Variants in KIF7 observed in about 807,000 individuals in gnomAD.
The protein encoded by KIF7 is kinesin-like protein KIF7.
A neutral mutation model predicts 135.7 loss-of-function variants in KIF7; 104 were observed. That is an observed-to-expected ratio of 0.77 (90% confidence interval 0.65 to 0.90). The LOEUF is 0.90. KIF7 is among the 40% of genes least tolerant of loss of function. The pLI, the probability that KIF7 is intolerant of heterozygous loss-of-function variation, is 0.00. For synonymous variants in KIF7, 883 were observed against 809.4 expected, an observed-to-expected ratio of 1.09 and a Z score of -1.54; for missense variants, 2,005 against 1,839.1, an observed-to-expected ratio of 1.09 and a Z score of -1.65.
At chr15:89,627,069 T>C (rs765284888), downstream of KIF7, 7 of 1,614,004 alleles carry the variant, frequency 4.3e-6, no homozygotes, top group African/African-American at 8.0e-5. Flanking sequence ...CATGGGAACC[T>C]GGCTGGAGGA....
rs774403667 is a variant in KIF7, at chr15:89,633,269, G to C, written c.2593-3C>G. On this transcript the variant is annotated splice_polypyrimidine_tract_variant and splice_region_variant and intron_variant, in intron 12 of 18. Transcript: ENST00000394412. Reference sequence around the variant, plus strand: ...TGCTCATGCTTCAGCTCCAGCTCCTGGGTGAGGAGCTCAGTGGGCAGGGCT... The same window carrying C: ...TGCTCATGCTTCAGCTCCAGCTCCTCGGTGAGGAGCTCAGTGGGCAGGGCT... 7.7e-6 allele frequency: 12 copies of C among 1,562,688 alleles called. No homozygotes were observed. Among genetic ancestry groups the C allele is most frequent in the Non-Finnish European group, 1.0e-5 (12 of 1,157,364 alleles).
chr15:89,624,748 AGTAAC>A, downstream of KIF7: 1 of 1,614,222 alleles, frequency 6.2e-7, no homozygotes, highest in Non-Finnish European at 8.5e-7. Context: ...TGACTTGAAA[AGTAAC>A]GTCTTATCAG....
upstream of KIF7, among the ~76,000 whole-genome samples, chr15:89,655,860 C>T (rs62021461): frequency 6.5e-3 from 997 of 152,238 alleles, 6 homozygotes; most frequent in Non-Finnish European, 9.4e-3. Flanking sequence ...CACATTTTAG[C>T]ATTCCTAAAA....
chr15:89,648,968 G>A lies in KIF7; in HGVS notation c.923+6C>T. ...CAGGCCACATAGGAGCCAGGGGGCA[G>A]CTCACCGGGTGATCTTGGAGTCGCG... On this transcript the variant is annotated splice_donor_region_variant and intron_variant, in intron 4 of 18. Transcript: ENST00000394412. 6.5e-7 allele frequency: 1 copy of A among 1,531,364 alleles called. No individual in the cohort carries two copies. The highest frequency in any genetic ancestry group is 1.2e-5 in the South Asian group (1 of 82,902). 94.9% of individuals were successfully genotyped at this position (1,531,364 alleles called of 1,614,324 possible).
intron 1 of KIF7, among the ~76,000 whole-genome samples, chr15:89,654,390 C>T (rs1033413334): frequency 3.3e-4 from 50 of 152,038 alleles, no homozygotes; most frequent in Non-Finnish European, 4.9e-4. Flanking sequence ...TCACTTCCCA[C>T]ACCCCAGGCC....
upstream of KIF7, among the ~76,000 whole-genome samples, chr15:89,657,310 CAAAAAAAAA>C (rs369464990): frequency 1.0e-5 from 1 of 98,674 alleles, no homozygotes; most frequent in Admixed American, 1.2e-4. Flanking sequence ...GACCCTGTCT[CAAAAAAAAA>C]AAAAAAAAAA....
In KIF7 at chr15:89,628,308, G is replaced by T. The variant is rs1963577401; in HGVS notation, c.*111C>A. The T allele has an allele frequency of 7.2e-7, 1 of 1,390,466 alleles. No homozygotes were observed. Among genetic ancestry groups the T allele is most frequent in the Non-Finnish European group, 9.8e-7 (1 of 1,024,558 alleles). The allele number at this position is 1,390,466 out of a possible 1,614,324, so 86.1% of individuals were successfully genotyped here. ...GATCCCAGTGAGGGTACAGATGAGG[G>T]CCTGGATTTAGGGTGTGCGGTAAGG... On this transcript the variant is annotated 3_prime_UTR_variant, in exon 19 of 19. Coordinates refer to ENST00000394412, the MANE Select transcript of KIF7 (RefSeq NM_198525.3).
In KIF7 at chr15:89,642,194, G is replaced by A. The variant is rs376295308; in HGVS notation, c.2394+9C>T. The A allele has an allele frequency of 1.4e-4, 219 of 1,608,986 alleles. No individual in the cohort carries two copies. Among genetic ancestry groups the A allele is most frequent in the South Asian group, 3.3e-4 (30 of 90,964 alleles). The stretch of plus-strand genomic sequence containing the variant: ...CCCCAGCACCCCACCCTGAGGCCCC[G>A]AGACTAACCTGCACCTGGCTCTGGG... On this transcript the variant is annotated intron_variant, in intron 11 of 18. Transcript: ENST00000394412.
intron 11 of KIF7, among the ~76,000 whole-genome samples, chr15:89,640,838 AAAAG>A (rs1226427920): frequency 3.3e-5 from 5 of 151,654 alleles, no homozygotes; most frequent in Non-Finnish European, 5.9e-5. Context: ...AAAAAAAAAA[AAAAG>A]AAAAAAATTA....
At chr15:89,624,180 A>C, downstream of KIF7, 3 of 1,614,122 alleles carry the variant, frequency 1.9e-6, no homozygotes, top group South Asian at 3.3e-5. Flanking sequence ...AAGCTATCAA[A>C]ACTCCAAAAA....
At chr15:89,634,953 G>A (rs978377520) in intron 11 of KIF7, among the ~76,000 whole-genome samples, 2 of 152,194 alleles carry the variant, frequency 1.3e-5, no homozygotes, top group African/African-American at 4.8e-5. Flanking sequence ...GAGAGCAGGG[G>A]TTCTCCCAGC....
At chr15:89,662,057 G>C in the KIF7 span, among the ~76,000 whole-genome samples, 12 of 152,116 alleles carry the variant, frequency 7.9e-5, no homozygotes, top group Non-Finnish European at 1.3e-4. Flanking sequence ...ATAATTTGAT[G>C]TATGCATTTT....
At chr15:89,661,316 T>C in the KIF7 span, among the ~76,000 whole-genome samples, 1 of 152,270 alleles carries the variant, frequency 6.6e-6, no homozygotes, top group East Asian at 1.9e-4. Flanking sequence ...AGAATACATA[T>C]AATCACACTT....
chr15:89,632,622 C>T (rs905082194), intron 14 of KIF7, among the ~76,000 whole-genome samples, 198 bp downstream of exon 14: 3 of 152,190 alleles, frequency 2.0e-5, no homozygotes, highest in African/African-American at 7.2e-5. Context: ...AGAGATACCA[C>T]CTAGAAGAAA....
chr15:89,642,362 G>A lies in KIF7; in HGVS notation c.2235C>T (p.Ile745=), dbSNP rs886051531. The change falls in exon 11 of 19, where the codon ATC becomes ATT. Residue 745 remains isoleucine, a synonymous_variant. Transcript: ENST00000394412. ...QALNRQHSQR[I]RELEQEAEQV... ...GCTCTGCCTCCTGCTCCAGCTCCCG[G>A]ATACGCTGGCTGTGCTGGCGGTTCA... is the stretch of plus-strand genomic sequence containing the variant. The A allele has an allele frequency of 1.2e-6, 2 of 1,609,842 alleles. No homozygotes were observed. The highest frequency in any genetic ancestry group is 1.7e-6 in the Non-Finnish European group (2 of 1,178,774).
downstream of KIF7, chr15:89,627,329 C>T (rs1963551036): frequency 2.1e-6 from 1 of 465,428 alleles, no homozygotes; most frequent in East Asian, 3.5e-5. Flanking sequence ...CTCAGGCAGC[C>T]TGGGAGTCAG....
At chr15:89,631,188 CCA>C in intron 15 of KIF7, 2 of 403,208 alleles carry the variant, frequency 5.0e-6, no homozygotes, top group East Asian at 4.4e-5. Context: ...GCCTGACACT[CCA>C]CACACGAAGC....
At chr15:89,657,718 C>T (rs1287662316), upstream of KIF7, among the ~76,000 whole-genome samples, 1 of 152,186 alleles carries the variant, frequency 6.6e-6, no homozygotes, top group Non-Finnish European at 1.5e-5. Context: ...TAAAGGGGTT[C>T]TTACCAGCCA....
rs1336053928 is a variant in KIF7 at position 89,629,069 on chromosome 15, G to C, written c.3571C>G (p.Gln1191Glu). The C allele has an allele frequency of 6.2e-7, 1 of 1,613,314 alleles. No homozygotes were observed. The highest frequency in any genetic ancestry group is 2.2e-5 in the East Asian group (1 of 44,826). The change falls in exon 18 of 19, where the codon CAA becomes GAA. Residue 1191 changes from glutamine (Q) to glutamate (E), a missense_variant. Physicochemically the swap from Gln to Glu is conservative, Grantham distance 29. Transcript: ENST00000394412. ...DSRRQYEARIQALEKELGRYM... is the reference protein window; with the variant it reads ...DSRRQYEARIEALEKELGRYM... ...CGGCCCAGTTCCTTCTCCAGAGCTT[G>C]AATCCGGGCCTCATACTGCCTCCTG...
Sources: gnomAD v4.1 joint callset for allele counts (sites outside exome capture counted in the v4.1 genomes callset) on GRCh38, gnomAD v4.1.1 for gene constraint, MANE v1.5 for transcripts, NCBI Gene and HGNC (gene_info 2026-07-23, HGNC 2026-07-21) for gene names.